LRRC37A2: variants seen among roughly 807,000 people sequenced by gnomAD.
LRRC37A2 encodes leucine-rich repeat-containing protein 37A2.
In LRRC37A2, 9 loss-of-function variants were observed where a neutral mutation model predicts 68.8. The observed-to-expected ratio is 0.13, with a 90% confidence interval of 0.08 to 0.23. LRRC37A2 has a LOEUF of 0.23. LRRC37A2 is among the 10% of genes least tolerant of loss of function. The pLI, the probability that LRRC37A2 is intolerant of heterozygous loss-of-function variation, is 1.00. For missense variants in LRRC37A2, 168 were observed against 950.4 expected, an observed-to-expected ratio of 0.18 and a Z score of 10.82; for synonymous variants, 63 against 367.6, an observed-to-expected ratio of 0.17 and a Z score of 9.48.
the LRRC37A2 span, among the ~76,000 whole-genome samples, chr17:46,409,294 T>C: frequency 6.6e-6 from 1 of 150,962 alleles, no homozygotes; most frequent in Middle Eastern, 3.4e-3. Flanking sequence ...TCTTCTTTTT[T>C]TTTTTTTCTT....
At chr17:47,035,687 T>C in the LRRC37A2 span, among the ~76,000 whole-genome samples, 1 of 152,254 alleles carries the variant, frequency 6.6e-6, no homozygotes, top group African/African-American at 2.4e-5. Flanking sequence ...CTAGCAGAAT[T>C]GCTAGATCAT....
chr17:46,493,762 C>CAAAT, the LRRC37A2 span, among the ~76,000 whole-genome samples: 1 of 150,366 alleles, frequency 6.7e-6, no homozygotes, highest in Non-Finnish European at 1.5e-5. Flanking sequence ...TGGTCTTGAT[C>CAAAT]TCCTGACCTT....
the LRRC37A2 span, chr17:47,005,578 A>G: frequency 6.6e-6 from 1 of 152,108 alleles, no homozygotes; most frequent in Non-Finnish European, 1.5e-5. Flanking sequence ...TACAATGCCC[A>G]CCTAGTTAAT....
the LRRC37A2 span, among the ~76,000 whole-genome samples, chr17:46,847,082 T>C: frequency 3.9e-5 from 6 of 152,240 alleles, no homozygotes; most frequent in African/African-American, 1.2e-4. Context: ...ATTCTTGTCA[T>C]AGAAAACTAG....
the LRRC37A2 span, among the ~76,000 whole-genome samples, chr17:47,032,445 CT>C: frequency 6.6e-6 from 1 of 152,206 alleles, no homozygotes; most frequent in Non-Finnish European, 1.5e-5. Context: ...CACTTACAAG[CT>C]TTGCAAGTAA....
chr17:46,796,699 C>T, the LRRC37A2 span, among the ~76,000 whole-genome samples: 1,623 of 152,308 alleles, frequency 0.011, 15 homozygotes, highest in Admixed American at 0.019. Flanking sequence ...AGCCAGACAG[C>T]CCGGGTGTCC....
At chr17:46,839,068 G>A in the LRRC37A2 span, among the ~76,000 whole-genome samples, 2 of 152,062 alleles carry the variant, frequency 1.3e-5, no homozygotes, top group Non-Finnish European at 1.5e-5. Flanking sequence ...AGTAGAGACA[G>A]ACTTTCACCA....
At chr17:46,751,584 A>C in the LRRC37A2 span, 2 of 1,613,888 alleles carry the variant, frequency 1.2e-6, no homozygotes, top group Non-Finnish European at 8.5e-7. Context: ...AGGAATCAAG[A>C]AGTTACTAAT....
chr17:46,773,003 TCC>T, the LRRC37A2 span, among the ~76,000 whole-genome samples: 1 of 152,136 alleles, frequency 6.6e-6, no homozygotes, highest in Non-Finnish European at 1.5e-5. Context: ...AGCCCCCAAG[TCC>T]CCTTCTTGGG....
the LRRC37A2 span, chr17:46,886,803 ATC>A: frequency 6.5e-6 from 1 of 153,680 alleles, no homozygotes; most frequent in African/African-American, 2.4e-5. Context: ...GAGCAACAGC[ATC>A]TGTTTTTTTT....
At chr17:46,525,510 C>T (rs1214916338) in intron 6 of LRRC37A2, among the ~76,000 whole-genome samples, 1 of 111,548 alleles carries the variant, frequency 9.0e-6, no homozygotes. Context: ...TCACTTGAAA[C>T]CAGGAGGCGG....
the LRRC37A2 span, among the ~76,000 whole-genome samples, chr17:46,661,378 T>TTTATTATTA: frequency 0.013 from 1,404 of 106,466 alleles, no homozygotes; most frequent in Non-Finnish European, 0.016. Flanking sequence ...TACATTTCTT[T>TTTATTATTA]TTATTATTAT....
At chr17:46,947,093 G>C in the LRRC37A2 span, among the ~76,000 whole-genome samples, 9 of 152,172 alleles carry the variant, frequency 5.9e-5, no homozygotes, top group South Asian at 2.1e-4. Context: ...GGACGTATTA[G>C]GGTGAAGCTG....
chr17:46,914,055 A>T, the LRRC37A2 span, among the ~76,000 whole-genome samples: 1 of 152,034 alleles, frequency 6.6e-6, no homozygotes, highest in African/African-American at 2.4e-5. Context: ...CACCGCACCC[A>T]GCCTACTCTG....
chr17:46,768,222 G>A, the LRRC37A2 span: 4 of 1,569,812 alleles, frequency 2.5e-6, no homozygotes, highest in African/African-American at 4.1e-5. This position sits in a 1 kb window ranked among gnomAD's most constrained non-coding sequence, Gnocchi z 5.0. Context: ...CTTAGAAACA[G>A]AAGGGGGTCG....
the LRRC37A2 span, chr17:46,833,477 C>T: frequency 4.1e-6 from 2 of 484,278 alleles, no homozygotes; most frequent in African/African-American, 1.9e-5. Flanking sequence ...CAACCCACCC[C>T]GACTCCCCAT....
At chr17:47,026,098 A>G in the LRRC37A2 span, among the ~76,000 whole-genome samples, 1 of 151,366 alleles carries the variant, frequency 6.6e-6, no homozygotes, top group Non-Finnish European at 1.5e-5. Context: ...TTTCTCGAAC[A>G]TAGAAGAGGA....
chr17:46,788,258 A>G, the LRRC37A2 span, among the ~76,000 whole-genome samples: 4 of 152,294 alleles, frequency 2.6e-5, no homozygotes, highest in South Asian at 2.1e-4. Flanking sequence ...CCATGTTTGC[A>G]TCTTTAGTTC....
the LRRC37A2 span, among the ~76,000 whole-genome samples, chr17:46,753,998 G>A: frequency 6.6e-6 from 1 of 152,120 alleles, no homozygotes; most frequent in Non-Finnish European, 1.5e-5. Flanking sequence ...AGGGAATAAA[G>A]TCATTTATCT....
Sources: gnomAD v4.1 joint callset for allele counts (sites outside exome capture counted in the v4.1 genomes callset) on GRCh38, gnomAD v4.1.1 for gene constraint, Gnocchi (gnomAD v3.1) non-coding constraint, MANE v1.5 for transcripts, NCBI Gene and HGNC (gene_info 2026-07-23, HGNC 2026-07-21) for gene names.